The following VTI1A variants were observed in gnomAD, a reference collection of about 807,000 sequenced individuals.
VTI1A encodes the protein vesicle transport through interaction with t-SNAREs 1A.
VTI1A carries 22 observed loss-of-function variants against 34.9 expected under a neutral mutation model. The observed-to-expected ratio is 0.63, with a 90% CI of 0.45 to 0.90. VTI1A has a LOEUF of 0.90. Ranked by LOEUF, VTI1A falls within the 40% of genes least tolerant of loss-of-function variation. The pLI is 0.00. For synonymous variants in VTI1A, 87 were observed against 97.3 expected, an observed-to-expected ratio of 0.89 and a Z score of 0.62; for missense variants, 268 against 275.6, an observed-to-expected ratio of 0.97 and a Z score of 0.20.
the VTI1A span, among the ~76,000 whole-genome samples, chr10:112,834,216 G>C: frequency 6.6e-6 from 1 of 152,040 alleles, no homozygotes; most frequent in Non-Finnish European, 1.5e-5. Context: ...CACCAGCCTC[G>C]ACCAGCCCAC....
intron 7 of VTI1A, among the ~76,000 whole-genome samples, chr10:112,812,883 TC>T: frequency 6.6e-6 from 1 of 152,170 alleles, no homozygotes; most frequent in Admixed American, 6.5e-5. Flanking sequence ...GGGGCTTGCT[TC>T]AACTTTGAAC....
At chr10:112,756,371 C>G (rs1851283475) in intron 7 of VTI1A, among the ~76,000 whole-genome samples, 1 of 152,160 alleles carries the variant, frequency 6.6e-6, no homozygotes, top group Non-Finnish European at 1.5e-5. Flanking sequence ...ACAAAATCAG[C>G]CATTCAGTTC....
In VTI1A at chr10:112,511,432, C is replaced by A. The variant is rs534797274; in HGVS notation, c.265-15655C>A. 6.1e-4 allele frequency among the ~76,000 whole-genome samples: 92 copies of A among 152,018 alleles called. No homozygotes were observed. The Middle Eastern group carries it at 0.014, about 22-fold the overall frequency. On this transcript the variant is annotated intron_variant, in intron 3 of 7. Coordinates refer to ENST00000393077, the MANE Select transcript of VTI1A (RefSeq NM_145206.4). The stretch of plus-strand genomic sequence containing the variant: ...CTGATTTTTTGTATTTTAGTAGAAA[C>A]AGGGTTTCACCATGTTGGCCAAGGA...
At chr10:112,541,815 A>G (rs902644641) in intron 5 of VTI1A, among the ~76,000 whole-genome samples, 3 of 152,196 alleles carry the variant, frequency 2.0e-5, no homozygotes, top group Non-Finnish European at 4.4e-5. Flanking sequence ...ACACCCTGAT[A>G]TGCACGGAGT....
chr10:112,797,285 A>G (rs989940647), intron 7 of VTI1A, among the ~76,000 whole-genome samples: 1 of 152,226 alleles, frequency 6.6e-6, no homozygotes, highest in African/African-American at 2.4e-5. Context: ...AAACAAATAT[A>G]TACAGAGAGA....
intron 5 of VTI1A, among the ~76,000 whole-genome samples, chr10:112,645,412 G>A (rs1045196580): frequency 2.0e-5 from 3 of 152,202 alleles, no homozygotes; most frequent in Non-Finnish European, 4.4e-5. Context: ...GTGCTGTGCA[G>A]GATTCTTCTT....
intron 1 of VTI1A, among the ~76,000 whole-genome samples, chr10:112,458,914 T>C (rs1411778158): frequency 1.3e-5 from 2 of 152,008 alleles, no homozygotes; most frequent in Non-Finnish European, 2.9e-5. Context: ...GATCCACCCA[T>C]CTAGGCCTCC....
intron 5 of VTI1A, among the ~76,000 whole-genome samples, chr10:112,610,165 C>T (rs1294602686): frequency 9.2e-6 from 1 of 108,626 alleles, no homozygotes; most frequent in Non-Finnish European, 1.8e-5. Flanking sequence ...AAATTATATA[C>T]TTTTCCAGTC....
At chr10:112,551,170 GC>G (rs1320138568) in intron 5 of VTI1A, among the ~76,000 whole-genome samples, 1 of 150,502 alleles carries the variant, frequency 6.6e-6, no homozygotes, top group East Asian at 2.0e-4. Flanking sequence ...TGTGAACCCG[GC>G]GAGCGGAGCT....
At chr10:112,643,642 C>T (rs1407252302) in intron 5 of VTI1A, among the ~76,000 whole-genome samples, 1 of 152,066 alleles carries the variant, frequency 6.6e-6, no homozygotes, top group Admixed American at 6.6e-5. Flanking sequence ...GTGCCTCAAT[C>T]TAAAAGGAGA....
intron 7 of VTI1A, among the ~76,000 whole-genome samples, chr10:112,766,370 T>C (rs1216337811): frequency 6.6e-6 from 1 of 152,230 alleles, no homozygotes; most frequent in Non-Finnish European, 1.5e-5. Context: ...TTTTTGTTTA[T>C]AAACTTTGCT....
intron 7 of VTI1A, among the ~76,000 whole-genome samples, chr10:112,705,722 T>A (rs758927277): frequency 3.3e-5 from 5 of 152,110 alleles, no homozygotes; most frequent in Non-Finnish European, 7.4e-5. Flanking sequence ...AGCATCAGAA[T>A]CCGTGTGGAC....
chr10:112,606,426 C>T (rs890162494), intron 5 of VTI1A, among the ~76,000 whole-genome samples: 1 of 152,164 alleles, frequency 6.6e-6, no homozygotes, highest in Non-Finnish European at 1.5e-5. Context: ...CCATAACCAG[C>T]ATCCTTTACC....
At chr10:112,765,254 G>A (rs1488894236) in intron 7 of VTI1A, among the ~76,000 whole-genome samples, 2 of 152,092 alleles carry the variant, frequency 1.3e-5, no homozygotes, top group African/African-American at 4.8e-5. Flanking sequence ...TGTCACCCAG[G>A]CTGGAGTGCA....
intron 5 of VTI1A, among the ~76,000 whole-genome samples, chr10:112,583,463 C>T (rs151333012): frequency 2.7e-3 from 412 of 152,328 alleles, no homozygotes; most frequent in Middle Eastern, 0.014. Flanking sequence ...CCATGCAGTT[C>T]CGTCTTTCAG....
intron 5 of VTI1A, among the ~76,000 whole-genome samples, chr10:112,563,472 A>G (rs1851800816): frequency 6.6e-6 from 1 of 152,178 alleles, no homozygotes; most frequent in Non-Finnish European, 1.5e-5. Flanking sequence ...CTTATCGCAT[A>G]CTTGGCAATA....
chr10:112,723,596 A>G (rs1849894317), intron 7 of VTI1A, among the ~76,000 whole-genome samples: 1 of 152,168 alleles, frequency 6.6e-6, no homozygotes, highest in Non-Finnish European at 1.5e-5. Flanking sequence ...TCAATTTCAG[A>G]TGGCCCACCC....
chr10:112,849,894 G>GA, the VTI1A span, among the ~76,000 whole-genome samples: 4 of 152,158 alleles, frequency 2.6e-5, no homozygotes, highest in Non-Finnish European at 4.4e-5. Context: ...GTGCAAGGGC[G>GA]AGGGTGTCCC....
chr10:112,585,191 T>G (rs1844096541), intron 5 of VTI1A, among the ~76,000 whole-genome samples: 1 of 152,220 alleles, frequency 6.6e-6, no homozygotes, highest in African/African-American at 2.4e-5. Flanking sequence ...TCCTAACTTG[T>G]GTAAACAGTG....
Sources: allele counts gnomAD v4.1 joint callset (sites outside exome capture counted in the v4.1 genomes callset), GRCh38; gene constraint gnomAD v4.1.1; transcripts MANE v1.5; gene names NCBI Gene and HGNC (gene_info 2026-07-23, HGNC 2026-07-21).